Variants in ARG2 observed in about 807,000 individuals in gnomAD.
The protein encoded by ARG2 is arginase 2.
A neutral mutation model predicts 39.4 loss-of-function variants in ARG2; 21 were observed. The ratio of observed to expected loss-of-function variants is 0.53; its 90% CI spans 0.38 to 0.77. ARG2 has a LOEUF of 0.77. ARG2 is among the 30% of genes least tolerant of loss of function. The pLI, the probability that ARG2 is intolerant of heterozygous loss-of-function variation, is 0.00. For synonymous variants in ARG2, 150 were observed against 156.7 expected (o/e 0.96, Z 0.32); for missense variants, 378 against 426.2 (o/e 0.89, Z 1.00).
At chr14:67,628,731 A>T (rs1213561883) in intron 2 of ARG2, among the ~76,000 whole-genome samples, 1 of 152,228 alleles carries the variant, frequency 6.6e-6, no homozygotes, top group Non-Finnish European at 1.5e-5. Context: ...AGAAAATAAG[A>T]AGTGTTGATG....
intron 2 of ARG2, among the ~76,000 whole-genome samples, chr14:67,626,443 A>T (rs2036866999): frequency 6.6e-6 from 1 of 152,190 alleles, no homozygotes; most frequent in South Asian, 2.1e-4. Context: ...CTCAAAGTTA[A>T]ATGTATAGTT....
intron 1 of ARG2, 61 bp from the exon 2 acceptor site, chr14:67,620,833 C>A (rs1441732817): frequency 1.7e-5 from 26 of 1,573,020 alleles, no homozygotes; most frequent in South Asian, 3.3e-5. Flanking sequence ...CTAAATGTAC[C>A]AAATGGGTTT....
chr14:67,636,855 C>T (rs987428114), intron 2 of ARG2, among the ~76,000 whole-genome samples: 1 of 152,196 alleles, frequency 6.6e-6, no homozygotes, highest in South Asian at 2.1e-4. Flanking sequence ...ATTTCAGGCT[C>T]CTCTTGTCCT....
rs896860977 is a variant in ARG2 at position 67,646,643 on chromosome 14, G to C, written c.523-1G>C. The C allele has an allele frequency of 5.0e-5, 80 of 1,602,980 alleles. No homozygotes were observed. The highest frequency in any genetic ancestry group is 6.7e-5 in the Non-Finnish European group (78 of 1,170,438). ...ATCCTGTCCATTTCTCCCTTTCATA[G>C]GTACCACAACTCCCAGGATTTTCCT... is the stretch of plus-strand genomic sequence containing the variant. On this transcript the variant is annotated splice_acceptor_variant, in intron 4 of 7. Coordinates refer to ENST00000261783, the MANE Select transcript of ARG2 (RefSeq NM_001172.4). LOFTEE classifies it high-confidence loss of function.
chr14:67,622,407 T>G (rs1298717384), intron 2 of ARG2, among the ~76,000 whole-genome samples: 1 of 152,260 alleles, frequency 6.6e-6, no homozygotes, highest in Non-Finnish European at 1.5e-5. Context: ...GTCCTTCATA[T>G]ACCTCCACCT....
intron 2 of ARG2, among the ~76,000 whole-genome samples, chr14:67,627,394 G>T (rs1216920998): frequency 6.6e-6 from 1 of 151,622 alleles, no homozygotes; most frequent in Non-Finnish European, 1.5e-5. Flanking sequence ...TATATTTTAT[G>T]AAATATACAG....
At chr14:67,636,816 A>G (rs2036976621) in intron 2 of ARG2, among the ~76,000 whole-genome samples, 1 of 152,216 alleles carries the variant, frequency 6.6e-6, no homozygotes, top group South Asian at 2.1e-4. Context: ...CATTGTTCCA[A>G]ATCTATTTGA....
intron 2 of ARG2, among the ~76,000 whole-genome samples, chr14:67,638,392 T>C (rs2036995226): frequency 6.6e-6 from 1 of 151,788 alleles, no homozygotes; most frequent in African/African-American, 2.4e-5. Flanking sequence ...AAAAAAATGA[T>C]TAAAGTCTGA....
At chr14:67,621,899 C>A (rs67778250) in intron 2 of ARG2, among the ~76,000 whole-genome samples, 45,017 of 151,282 alleles carry the variant, frequency 0.3, 6,837 homozygotes, top group African/African-American at 0.37. Flanking sequence ...GAGTTCGAGA[C>A]CAGCCTGACC....
At chr14:67,637,576 T>C (rs964690984) in intron 2 of ARG2, among the ~76,000 whole-genome samples, 2 of 152,160 alleles carry the variant, frequency 1.3e-5, no homozygotes, top group Non-Finnish European at 2.9e-5. Flanking sequence ...AGGGTTCAGA[T>C]AATCCTAGAA....
At chr14:67,620,724 G>T (rs1259694273) in intron 1 of ARG2, among the ~76,000 whole-genome samples, 170 bp from the exon 2 acceptor site, 1 of 152,144 alleles carries the variant, frequency 6.6e-6, no homozygotes, top group Admixed American at 6.5e-5. Flanking sequence ...TCCCGTCTTG[G>T]CTTGGGCAGC....
chr14:67,635,485 G>A (rs2036961865), intron 2 of ARG2, among the ~76,000 whole-genome samples: 1 of 152,154 alleles, frequency 6.6e-6, no homozygotes, highest in African/African-American at 2.4e-5. Context: ...TAGTAACATT[G>A]CAACTTTATT....
intron 2 of ARG2, among the ~76,000 whole-genome samples, chr14:67,634,313 CTGGGTGCGA>C (rs1336866486): frequency 1.3e-5 from 2 of 151,656 alleles, no homozygotes; most frequent in Non-Finnish European, 2.9e-5. Flanking sequence ...TTAGTAGGGG[CTGGGTGCGA>C]TGGCTCACAC....
At chr14:67,643,852 T>TAA (rs553614739) in intron 3 of ARG2, among the ~76,000 whole-genome samples, 7,853 of 80,612 alleles carry the variant, frequency 0.097, 694 homozygotes, top group African/African-American at 0.14. Flanking sequence ...TCCTTGGGAG[T>TAA]AAAAAAAAAA....
intron 2 of ARG2, among the ~76,000 whole-genome samples, chr14:67,632,981 C>T (rs1291729918): frequency 2.6e-5 from 4 of 151,520 alleles, no homozygotes; most frequent in South Asian, 2.1e-4. Flanking sequence ...CCACCACGCC[C>T]GGCTAATTTT....
At position 67,651,379 on chromosome 14, in the gene ARG2, A is replaced by T; in HGVS notation, c.*459A>T. ...TTCTGGTCCACAAACCCTTCCCTAT[A>T]GAAGTTCAATGGCTGCGAAAGAATT... On this transcript the variant is annotated 3_prime_UTR_variant, in exon 8 of 8. Coordinates refer to ENST00000261783, the MANE Select transcript of ARG2 (RefSeq NM_001172.4). 3.1e-6 allele frequency: 5 copies of T among 1,613,714 alleles called. No homozygotes were observed. The highest frequency in any genetic ancestry group is 4.2e-6 in the Non-Finnish European group (5 of 1,179,700).
Position 67,620,153 on chromosome 14 carries a change from CGGTAG to C in ARG2, c.111+69_111+73del, listed in dbSNP as rs1366983981. On this transcript the variant is annotated intron_variant, in intron 1 of 7. Transcript: ENST00000261783. The stretch of plus-strand genomic sequence containing the variant: ...GCCCCCTAGAACCTGGAGACAGCGG[CGGTAG>C]GGTGCGGGGGACCGGGAGGCGAGGA... 4 of 1,206,114 alleles carry C rather than the reference CGGTAG, an allele frequency of 3.3e-6. No individual in the cohort carries two copies. In the African/African-American group the frequency reaches 6.3e-5, roughly 19 times the overall value. 74.7% of individuals were successfully genotyped at this position (1,206,114 alleles called of 1,614,324 possible). A position where few individuals can be genotyped will look rare whatever the true frequency, so the allele number is the denominator to read the frequency against.
intron 2 of ARG2, among the ~76,000 whole-genome samples, chr14:67,631,038 G>A (rs983670912): frequency 1.3e-5 from 2 of 152,070 alleles, no homozygotes; most frequent in Non-Finnish European, 2.9e-5. Flanking sequence ...GACAGTCCCT[G>A]CTCCAGCATT....
In ARG2 at chr14:67,619,937, G is replaced by T; in HGVS notation, c.-41G>T. ...TGGCGCTCACTCCCGGCTTCCAACC[G>T]CGCGGAGCCTCTGCCTTGGAGATTC... On this transcript the variant is annotated 5_prime_UTR_variant, in exon 1 of 8. Transcript: ENST00000261783. The T allele has an allele frequency of 1.4e-6, 2 of 1,392,202 alleles. No homozygotes were observed. Among genetic ancestry groups the T allele is most frequent in the Non-Finnish European group, 1.9e-6 (2 of 1,036,042 alleles). The allele number at this position is 1,392,202 out of a possible 1,614,324, so 86.2% of individuals were successfully genotyped here.
Sources: allele counts gnomAD v4.1 joint callset (sites outside exome capture counted in the v4.1 genomes callset), GRCh38; gene constraint gnomAD v4.1.1; transcripts MANE v1.5; gene names NCBI Gene and HGNC (gene_info 2026-07-23, HGNC 2026-07-21).